THEMIS: variants seen among roughly 807,000 people sequenced by gnomAD.
The protein encoded by THEMIS is protein THEMIS.
Under a neutral mutation model 52.6 loss-of-function variants are expected in THEMIS, and 37 were observed. The ratio of observed to expected loss-of-function variants is 0.70; its 90% CI spans 0.54 to 0.93. The LOEUF (loss-of-function observed/expected upper bound fraction) is 0.93, where lower values mean the gene tolerates loss of function less well. Ranked by LOEUF, THEMIS falls within the 40% of genes least tolerant of loss-of-function variation. The pLI is 0.00. For synonymous variants in THEMIS, 292 were observed against 272.7 expected (o/e 1.07, Z -0.70); for missense variants, 808 against 763.1 (o/e 1.06, Z -0.69).
At chr6:127,913,465 A>G (rs1781455764) in intron 1 of THEMIS, among the ~76,000 whole-genome samples, 1 of 152,166 alleles carries the variant, frequency 6.6e-6, no homozygotes, top group South Asian at 2.1e-4. Flanking sequence ...TATGCTAAGA[A>G]ATGTTTTCAA....
chr6:127,776,509 G>T (rs948675052), intron 4 of THEMIS, among the ~76,000 whole-genome samples: 1 of 152,140 alleles, frequency 6.6e-6, no homozygotes, highest in African/African-American at 2.4e-5. Context: ...GCCCCAAGGC[G>T]GGTGAATTAC....
chr6:127,728,025 C>A (rs72965759), intron 4 of THEMIS, among the ~76,000 whole-genome samples: 4,637 of 152,256 alleles, frequency 0.03, 88 homozygotes, highest in Middle Eastern at 0.048. Flanking sequence ...TCTTCAGGAT[C>A]CCTCTCCATT....
intron 1 of THEMIS, among the ~76,000 whole-genome samples, chr6:127,884,163 GTTGT>G (rs1318457785): frequency 2.6e-5 from 4 of 152,076 alleles, no homozygotes; most frequent in Non-Finnish European, 5.9e-5. Flanking sequence ...ATGGAGACTA[GTTGT>G]TTGGTTTGTT....
intron 2 of THEMIS, among the ~76,000 whole-genome samples, chr6:127,835,153 C>A (rs1778834714): frequency 6.6e-6 from 1 of 152,116 alleles, no homozygotes; most frequent in African/African-American, 2.4e-5. Context: ...TTAGGCACCC[C>A]CAAACCTCTC....
At chr6:127,776,652 C>G (rs1198064005) in intron 4 of THEMIS, among the ~76,000 whole-genome samples, 1 of 152,178 alleles carries the variant, frequency 6.6e-6, no homozygotes, top group East Asian at 1.9e-4. Flanking sequence ...TCTTGACTCA[C>G]AGAAACTGTG....
At chr6:127,804,592 C>A (rs183131738) in intron 4 of THEMIS, among the ~76,000 whole-genome samples, 106 of 152,222 alleles carry the variant, frequency 7.0e-4, no homozygotes, top group Non-Finnish European at 1.2e-3. Context: ...TTATTGAACA[C>A]AAGATGTCTG....
chr6:127,818,722 G>T (rs1464393129), intron 3 of THEMIS, among the ~76,000 whole-genome samples: 1 of 151,966 alleles, frequency 6.6e-6, no homozygotes, highest in Non-Finnish European at 1.5e-5. Flanking sequence ...TAATAATAAT[G>T]CTAAGGAGTA....
chr6:127,779,851 T>A (rs1776685641), intron 4 of THEMIS, among the ~76,000 whole-genome samples: 1 of 152,134 alleles, frequency 6.6e-6, no homozygotes, highest in East Asian at 1.9e-4. Flanking sequence ...TAGCTTCAAT[T>A]TTCCTAATAG....
At chr6:127,836,905 T>C (rs1778890577) in intron 2 of THEMIS, among the ~76,000 whole-genome samples, 1 of 152,062 alleles carries the variant, frequency 6.6e-6, no homozygotes, top group Admixed American at 6.6e-5. Flanking sequence ...CTGAGATGAA[T>C]TTCTTCAGAG....
intron 4 of THEMIS, among the ~76,000 whole-genome samples, chr6:127,805,382 T>C (rs1326910494): frequency 6.6e-6 from 1 of 152,068 alleles, no homozygotes; most frequent in Non-Finnish European, 1.5e-5. Context: ...TATGAGAAAG[T>C]TTACGGCTAT....
intron 4 of THEMIS, among the ~76,000 whole-genome samples, chr6:127,732,993 A>G (rs1027469140): frequency 7.9e-5 from 12 of 152,000 alleles, no homozygotes; most frequent in African/African-American, 2.4e-4. Context: ...AAGACTTGGT[A>G]CTCTCAGTCT....
chr6:127,714,115 A>G (rs1774076796), intron 5 of THEMIS, among the ~76,000 whole-genome samples: 1 of 151,896 alleles, frequency 6.6e-6, no homozygotes, highest in African/African-American at 2.4e-5. Context: ...AAGAAATGAA[A>G]GGTTGTTCAC....
chr6:127,783,280 A>G (rs1776810916), intron 4 of THEMIS, among the ~76,000 whole-genome samples: 1 of 152,240 alleles, frequency 6.6e-6, no homozygotes, highest in Non-Finnish European at 1.5e-5. Flanking sequence ...TAAAACCTTA[A>G]AAATGCCAGA....
At chr6:127,697,362 A>G in the THEMIS span, among the ~76,000 whole-genome samples, 71,052 of 151,858 alleles carry the variant, frequency 0.47, 17,884 homozygotes, top group Non-Finnish European at 0.58. Flanking sequence ...GGCAACTGTC[A>G]TCTCTGAAGG....
chr6:127,902,304 G>A, upstream of THEMIS, among the ~76,000 whole-genome samples: 1 of 125,822 alleles, frequency 7.9e-6, no homozygotes. Context: ...CAGGCTGAAT[G>A]ACACAGCAAG....
At chr6:127,846,095 T>G (rs1403533191) in intron 2 of THEMIS, among the ~76,000 whole-genome samples, 1 of 151,958 alleles carries the variant, frequency 6.6e-6, no homozygotes, top group East Asian at 1.9e-4. Flanking sequence ...ACTGTGTAAG[T>G]AAATCTCTGT....
downstream of THEMIS, among the ~76,000 whole-genome samples, chr6:127,704,807 C>T (rs1773779406): frequency 2.6e-5 from 4 of 152,190 alleles, no homozygotes; most frequent in Admixed American, 2.6e-4. Context: ...GTTGTACCTG[C>T]ACTTTTTATT....
At chr6:127,885,195 G>A (rs1780608278) in intron 1 of THEMIS, among the ~76,000 whole-genome samples, 1 of 152,050 alleles carries the variant, frequency 6.6e-6, no homozygotes, top group African/African-American at 2.4e-5. Flanking sequence ...TTTAAAATAT[G>A]ACCACAAATG....
At chr6:127,699,766 A>T in the THEMIS span, among the ~76,000 whole-genome samples, 3 of 142,698 alleles carry the variant, frequency 2.1e-5, no homozygotes, top group Non-Finnish European at 4.7e-5. Flanking sequence ...CAGGAAGAAT[A>T]AAAAAAGCAT....
Sources: allele counts gnomAD v4.1 joint callset (sites outside exome capture counted in the v4.1 genomes callset), GRCh38; gene constraint gnomAD v4.1.1; transcripts MANE v1.5; gene names NCBI Gene and HGNC (gene_info 2026-07-23, HGNC 2026-07-21).